SBK1: variants seen among roughly 807,000 people sequenced by gnomAD.
SBK1 encodes serine/threonine-protein kinase SBK1.
Under a neutral mutation model 24.4 loss-of-function variants are expected in SBK1, and 11 were observed. That is an observed-to-expected ratio of 0.45 (90% CI 0.28 to 0.75). The LOEUF (loss-of-function observed/expected upper bound fraction) is 0.75, where lower values mean the gene tolerates loss of function less well. Among genes scored for constraint, SBK1 ranks in the 30% least tolerant of loss-of-function variants. SBK1 has a pLI of 0.12. For synonymous variants in SBK1, 308 were observed against 284.4 expected, an observed-to-expected ratio of 1.08 and a Z score of -0.83; for missense variants, 467 against 620.5, an observed-to-expected ratio of 0.75 and a Z score of 2.63.
chr16:28,315,231 T>TG (rs774670667), intron 1 of SBK1, among the ~76,000 whole-genome samples: 67 of 80,276 alleles, frequency 8.3e-4, no homozygotes, highest in Middle Eastern at 0.01. Flanking sequence ...AGACCGGGGT[T>TG]GGGGGGATGG....
Position 28,293,229 on chromosome 16 carries a change from C to T in SBK1, c.-79C>T, listed in dbSNP as rs562397712. ...CCATGGTCGTGGCGCCCTGAGCCCC[C>T]GGGGCCGGGCAGACGAAGACCGCGA... On this transcript the variant is annotated 5_prime_UTR_variant, in exon 1 of 4. Coordinates refer to ENST00000341901, the MANE Select transcript of SBK1 (RefSeq NM_001024401.3). The T allele has an allele frequency of 2.0e-6, 2 of 985,264 alleles. No homozygotes were observed. The highest frequency in any genetic ancestry group is 1.2e-6 in the Non-Finnish European group (1 of 829,892). The allele number at this position is 985,264 out of a possible 1,614,324, so 61.0% of individuals were successfully genotyped here. A position where few individuals can be genotyped will look rare whatever the true frequency, so the allele number is the denominator to read the frequency against.
chr16:28,288,359 A>T (rs1357361760), upstream of SBK1, among the ~76,000 whole-genome samples: 2 of 152,160 alleles, frequency 1.3e-5, no homozygotes, highest in Non-Finnish European at 2.9e-5. Context: ...TCCTGAAGTC[A>T]GAGGTCTGAA....
chr16:28,312,252 C>T (rs1316829784), intron 1 of SBK1, among the ~76,000 whole-genome samples: 2 of 152,188 alleles, frequency 1.3e-5, no homozygotes, highest in Admixed American at 1.3e-4. Flanking sequence ...GACGCGCAGG[C>T]CCCGGGGAGG....
intron 1 of SBK1, among the ~76,000 whole-genome samples, chr16:28,267,881 C>A (rs887348632): frequency 6.6e-6 from 1 of 152,340 alleles, no homozygotes; most frequent in African/African-American, 2.4e-5. Context: ...GGCGCAGTGG[C>A]TCGTGCCTGT....
intron 1 of SBK1, among the ~76,000 whole-genome samples, chr16:28,302,967 G>GGA (rs1555537953): frequency 4.6e-5 from 7 of 151,836 alleles, no homozygotes; most frequent in Non-Finnish European, 1.0e-4. Flanking sequence ...GGCATGGGGG[G>GGA]GGGTCAGGAG....
chr16:28,320,947 G>C lies in SBK1; in HGVS notation c.*26G>C. 7.2e-7 allele frequency: 1 copy of C among 1,392,276 alleles called. No individual in the cohort carries two copies. Among genetic ancestry groups the C allele is most frequent in the South Asian group, 1.5e-5 (1 of 67,808 alleles). The allele number at this position is 1,392,276 out of a possible 1,614,324, so 86.2% of individuals were successfully genotyped here. A position where few individuals can be genotyped will look rare whatever the true frequency, so the allele number is the denominator to read the frequency against. On this transcript the variant is annotated 3_prime_UTR_variant, in exon 4 of 4. Coordinates refer to ENST00000341901, the MANE Select transcript of SBK1 (RefSeq NM_001024401.3). This position sits in a 1 kb window ranked among gnomAD's most constrained non-coding sequence, Gnocchi z 8.5. Reference sequence around the variant, plus strand: ...GTCGCCTCCGCCGCCCTCGGACCCGGGAGCAGCCCGGGCCCGCCCCGAGCC... The same window carrying C: ...GTCGCCTCCGCCGCCCTCGGACCCGCGAGCAGCCCGGGCCCGCCCCGAGCC...
chr16:28,278,892 C>T (rs1386985756), intron 1 of SBK1, among the ~76,000 whole-genome samples: 2 of 152,230 alleles, frequency 1.3e-5, no homozygotes, highest in Non-Finnish European at 2.9e-5. Context: ...TCTGCACTTG[C>T]CCCATCAACC....
intron 1 of SBK1, among the ~76,000 whole-genome samples, chr16:28,312,963 G>C (rs1335610374): frequency 6.6e-6 from 1 of 152,100 alleles, no homozygotes; most frequent in Non-Finnish European, 1.5e-5. Context: ...GAGAAACCCT[G>C]TCTCTACTAA....
At position 28,292,733 on chromosome 16, in the gene SBK1, C is replaced by G. The variant is rs2044609553; in HGVS notation, c.-575C>G. On this transcript the variant is annotated 5_prime_UTR_variant, in exon 1 of 4. Transcript: ENST00000341901. ...TGGCCGGGACCCACTAAAGCCCCCG[C>G]AGCCGAGGAGTGCGGGGAGCCCCCT... The G allele has an allele frequency of 1.0e-6, 1 of 984,990 alleles. No individual in the cohort carries two copies. The highest frequency in any genetic ancestry group is 4.7e-5 in the South Asian group (1 of 21,282). 61.0% of individuals were successfully genotyped at this position (984,990 alleles called of 1,614,324 possible).
intron 1 of SBK1, among the ~76,000 whole-genome samples, chr16:28,284,509 C>T (rs1472812929): frequency 6.6e-6 from 1 of 152,234 alleles, no homozygotes; most frequent in African/African-American, 2.4e-5. Context: ...CTAAGGAGCC[C>T]AGCACCCAGA....
At chr16:28,290,013 G>A (rs1254989953), upstream of SBK1, among the ~76,000 whole-genome samples, 1 of 151,600 alleles carries the variant, frequency 6.6e-6, no homozygotes, top group Non-Finnish European at 1.5e-5. Context: ...TTGATCCCAG[G>A]AGGTTGAGGC....
At chr16:28,276,623 C>T (rs961352345) in intron 1 of SBK1, among the ~76,000 whole-genome samples, 1 of 151,998 alleles carries the variant, frequency 6.6e-6, no homozygotes, top group Non-Finnish European at 1.5e-5. Context: ...GAAAGTGCTG[C>T]AGGTGGTGGA....
At chr16:28,302,536 AGTT>A (rs2044686208) in intron 1 of SBK1, among the ~76,000 whole-genome samples, 1 of 152,106 alleles carries the variant, frequency 6.6e-6, no homozygotes, top group Admixed American at 6.5e-5. Flanking sequence ...TTCAGGGGGC[AGTT>A]GTTCTCCTCT....
rs1199704855 is a variant in SBK1, at chr16:28,293,268, C to T, written c.-40C>T. On this transcript the variant is annotated 5_prime_UTR_variant, in exon 1 of 4. Transcript: ENST00000341901. ...CGAAGACCGCGACGGCGCCCAGGCC[C>T]CCTGCCGCGGCGTCCCCGCGGCCCC... The T allele has an allele frequency of 1.0e-6, 1 of 985,460 alleles. No homozygotes were observed. The highest frequency in any genetic ancestry group is 1.7e-5 in the African/African-American group (1 of 57,254). 61.0% of individuals were successfully genotyped at this position (985,460 alleles called of 1,614,324 possible).
At chr16:28,270,068 T>C (rs1430064267) in intron 1 of SBK1, among the ~76,000 whole-genome samples, 1 of 152,010 alleles carries the variant, frequency 6.6e-6, no homozygotes, top group Non-Finnish European at 1.5e-5. Flanking sequence ...TTTTCCATTT[T>C]TGTTTTTGTT....
Position 28,274,631 on chromosome 16 carries a change from G to A in SBK1, c.257+15129G>A, listed in dbSNP as rs1379346217. 2.0e-5 allele frequency among the ~76,000 whole-genome samples: 3 copies of A among 152,096 alleles called. No individual in the cohort carries two copies. In the East Asian group the frequency reaches 5.8e-4, roughly 29 times the overall value. On this transcript the variant is annotated intron_variant, in intron 1 of 3. Transcript: ENST00000671413. ...CGAGCCACTGCACTCCAGCCTGGGT[G>A]AGAGAGTGAGACTCTGTCTCAAAAA...
At chr16:28,280,147 A>G (rs866398781) in intron 1 of SBK1, among the ~76,000 whole-genome samples, 2,722 of 48,156 alleles carry the variant, frequency 0.057, 126 homozygotes, top group African/African-American at 0.12. Context: ...ATATATATAT[A>G]TATGTGTGTG....
intron 1 of SBK1, among the ~76,000 whole-genome samples, chr16:28,315,292 G>T (rs1260882800): frequency 6.6e-6 from 1 of 152,164 alleles, no homozygotes; most frequent in East Asian, 1.9e-4. Context: ...TGTGTTCGTG[G>T]TCTCGACGGC....
chr16:28,285,697 G>A (rs2044561473), intron 1 of SBK1: 1 of 152,146 alleles, frequency 6.6e-6, no homozygotes, highest in Non-Finnish European at 1.5e-5. Context: ...ATTTTTTGTA[G>A]AGACAGGATC....
Sources: gnomAD v4.1 joint callset for allele counts (sites outside exome capture counted in the v4.1 genomes callset) on GRCh38, gnomAD v4.1.1 for gene constraint, Gnocchi (gnomAD v3.1) non-coding constraint, MANE v1.5 for transcripts, NCBI Gene and HGNC (gene_info 2026-07-23, HGNC 2026-07-21) for gene names.